AP3B1: variants seen among roughly 807,000 people sequenced by gnomAD.
AP3B1 encodes the protein AP-3 complex subunit beta-1.
AP3B1 carries 61 observed loss-of-function variants against 132.5 expected under a neutral mutation model. The ratio of observed to expected loss-of-function variants is 0.46; its 90% CI spans 0.37 to 0.57. The LOEUF is 0.57. AP3B1 is among the 20% of genes least tolerant of loss of function. The probability of loss-of-function intolerance (pLI) is 0.00; values close to 1 mark genes in which losing one functional copy is unlikely to be tolerated. For synonymous variants in AP3B1, 388 were observed against 438.3 expected, an observed-to-expected ratio of 0.89 and a Z score of 1.43; for missense variants, 1,120 against 1,289.4, an observed-to-expected ratio of 0.87 and a Z score of 2.01.
chr5:78,038,040 G>T (rs536072802), intron 23 of AP3B1, among the ~76,000 whole-genome samples: 1 of 152,276 alleles, frequency 6.6e-6, no homozygotes, highest in African/African-American at 2.4e-5. Flanking sequence ...ACACTTTGTT[G>T]GAGAGACAAC....
chr5:78,155,923 C>T (rs1012117120), intron 14 of AP3B1, among the ~76,000 whole-genome samples: 1 of 152,062 alleles, frequency 6.6e-6, no homozygotes. Flanking sequence ...TTTCTAACTC[C>T]TCTCAAAGGA....
intron 15 of AP3B1, among the ~76,000 whole-genome samples, chr5:78,136,129 T>C (rs1752901072): frequency 6.6e-6 from 1 of 152,138 alleles, no homozygotes; most frequent in African/African-American, 2.4e-5. Flanking sequence ...TGTCAGTAAC[T>C]AGACTAGTTT....
chr5:78,293,523 A>C (rs1749622906), intron 1 of AP3B1, among the ~76,000 whole-genome samples: 2 of 152,226 alleles, frequency 1.3e-5, no homozygotes, highest in African/African-American at 2.4e-5. Flanking sequence ...TATTGTTAGT[A>C]ACGTTTAATT....
chr5:78,164,041 C>T (rs1167601410), intron 12 of AP3B1, among the ~76,000 whole-genome samples: 6 of 151,834 alleles, frequency 4.0e-5, no homozygotes, highest in Non-Finnish European at 7.4e-5. Context: ...TGGTACCAAC[C>T]AGGTGATTAA....
In AP3B1 at chr5:78,248,307, T is replaced by C. The variant is rs779009096; in HGVS notation, c.205-7371A>G. 2.6e-5 allele frequency among the ~76,000 whole-genome samples: 4 copies of C among 151,668 alleles called. No individual in the cohort carries two copies. The South Asian group carries it at 6.2e-4, about 24-fold the overall frequency. ...GAGTTCAAGACCAGCCTGGCCAATA[T>C]GGTGAAACCCCATCTCTACTAAAAA... On this transcript the variant is annotated intron_variant, in intron 2 of 26. Transcript: ENST00000255194.
intron 2 of AP3B1, among the ~76,000 whole-genome samples, chr5:78,260,850 G>A (rs1748059993): frequency 7.4e-6 from 1 of 135,488 alleles, no homozygotes; most frequent in Non-Finnish European, 1.6e-5. Flanking sequence ...GATAAAAGTG[G>A]AATCATACAA....
At chr5:78,084,521 C>CAAAAAAA (rs568637894) in intron 22 of AP3B1, among the ~76,000 whole-genome samples, 47 of 43,922 alleles carry the variant, frequency 1.1e-3, no homozygotes, top group African/African-American at 1.7e-3. Context: ...CAGACCCTGT[C>CAAAAAAA]AAAAAAAAAA....
chr5:78,102,357 A>G (rs1397769213), intron 20 of AP3B1, among the ~76,000 whole-genome samples: 1 of 152,128 alleles, frequency 6.6e-6, no homozygotes, highest in African/African-American at 2.4e-5. Context: ...AATAATATAC[A>G]TTATTAATAC....
chr5:78,133,033 A>G (rs2112309045), intron 15 of AP3B1, among the ~76,000 whole-genome samples: 1 of 152,248 alleles, frequency 6.6e-6, no homozygotes, highest in East Asian at 1.9e-4. Context: ...TTCAGTCTTT[A>G]CTCCTGCACA....
intron 16 of AP3B1, among the ~76,000 whole-genome samples, chr5:78,128,663 T>G (rs560798882): frequency 6.6e-6 from 1 of 152,156 alleles, no homozygotes. Context: ...CTGGGACACG[T>G]AAGTCAACTT....
chr5:78,063,300 GT>G (rs1749140803), intron 22 of AP3B1, among the ~76,000 whole-genome samples: 1 of 152,140 alleles, frequency 6.6e-6, no homozygotes, highest in African/African-American at 2.4e-5. Context: ...GGTGCTTATA[GT>G]TTTGCATATC....
At chr5:78,011,187 C>T (rs545764455) in intron 26 of AP3B1, among the ~76,000 whole-genome samples, 17 of 151,984 alleles carry the variant, frequency 1.1e-4, no homozygotes, top group African/African-American at 3.4e-4. Context: ...GGATTACAGG[C>T]GCCTGCCACC....
intron 17 of AP3B1, among the ~76,000 whole-genome samples, chr5:78,125,152 G>A (rs1340741769): frequency 6.6e-6 from 1 of 152,160 alleles, no homozygotes; most frequent in East Asian, 1.9e-4. Flanking sequence ...CCCTTCATAT[G>A]CAGAAGGCGG....
intron 14 of AP3B1, among the ~76,000 whole-genome samples, chr5:78,153,774 A>G (rs766822346): frequency 4.6e-5 from 7 of 152,122 alleles, no homozygotes; most frequent in Non-Finnish European, 8.8e-5. Flanking sequence ...TATCTTATTA[A>G]TATAATCCAT....
intron 22 of AP3B1, among the ~76,000 whole-genome samples, chr5:78,080,458 T>C (rs1218483587): frequency 6.6e-6 from 1 of 150,802 alleles, no homozygotes; most frequent in Non-Finnish European, 1.5e-5. Context: ...ATTTTCTTTT[T>C]TTTTTTTCTT....
chr5:78,135,283 C>T (rs1342606116), intron 15 of AP3B1, among the ~76,000 whole-genome samples: 1 of 152,114 alleles, frequency 6.6e-6, no homozygotes, highest in African/African-American at 2.4e-5. Context: ...ATTATATCTA[C>T]ACATATCCAT....
At chr5:78,177,512 A>G in intron 8 of AP3B1, 76 bp from the exon 9 acceptor site, 3 of 1,057,384 alleles carry the variant, frequency 2.8e-6, no homozygotes, top group Non-Finnish European at 4.4e-6. Context: ...ATTCCTACAC[A>G]TTATTTCCTC....
rs563289034 is a variant in AP3B1 at position 78,040,508 on chromosome 5, G to A, written c.2578-1234C>T. ...GTAAATCACCTTTTACCCTTCTATT[G>A]AACATTAGACTCTTAATTAAATTCT... On this transcript the variant is annotated intron_variant, in intron 22 of 26. Coordinates refer to ENST00000255194, the MANE Select transcript of AP3B1 (RefSeq NM_003664.5). Among the ~76,000 whole-genome samples, 13 of 151,378 alleles carry A rather than the reference G, an allele frequency of 8.6e-5. No individual in the cohort carries two copies. In the South Asian group the frequency reaches 1.9e-3, roughly 22 times the overall value.
chr5:78,058,878 C>T (rs1002704587), intron 22 of AP3B1, among the ~76,000 whole-genome samples: 1 of 152,176 alleles, frequency 6.6e-6, no homozygotes, highest in South Asian at 2.1e-4. Context: ...TCACCCTGCC[C>T]TCCTGTTCCT....
Sources: allele counts gnomAD v4.1 joint callset (sites outside exome capture counted in the v4.1 genomes callset), GRCh38; gene constraint gnomAD v4.1.1; transcripts MANE v1.5; gene names NCBI Gene and HGNC (gene_info 2026-07-23, HGNC 2026-07-21).